Variants in HUWE1 observed in about 807,000 individuals in gnomAD.
The protein encoded by HUWE1 is HECT, UBA and WWE domain containing E3 ubiquitin protein ligase 1.
In HUWE1, 18 loss-of-function variants were observed where a neutral mutation model predicts 299.4. The ratio of observed to expected loss-of-function variants is 0.06; its 90% CI spans 0.04 to 0.09. The LOEUF (loss-of-function observed/expected upper bound fraction) is 0.09, where lower values mean the gene tolerates loss of function less well. HUWE1 is among the 10% of genes least tolerant of loss of function. The pLI is 1.00. For missense variants in HUWE1, 1,832 were observed against 3,462.3 expected, an observed-to-expected ratio of 0.53 and a Z score of 11.82; for synonymous variants, 1,317 against 1,286.1, an observed-to-expected ratio of 1.02 and a Z score of -0.51.
At chrX:53,642,012 C>CA (rs782780072) in intron 7 of HUWE1, among the ~76,000 whole-genome samples, 1 of 110,554 alleles carries the variant, frequency 9.0e-6, no homozygotes, top group Non-Finnish European at 1.9e-5. Context: ...ATAATACACC[C>CA]ACACACACAC....
intron 3 of HUWE1, among the ~76,000 whole-genome samples, chrX:53,666,268 C>T (rs1299880924): frequency 9.1e-6 from 1 of 110,257 alleles, no homozygotes; most frequent in Non-Finnish European, 1.9e-5. Context: ...GCAGCACAGG[C>T]CAGCCTTGAG....
chrX:53,631,352 C>T, intron 11 of HUWE1, 62 bp downstream of exon 11: 6 of 884,406 alleles, frequency 6.8e-6, no homozygotes, highest in Non-Finnish European at 1.0e-5. Flanking sequence ...CACCCCAGTA[C>T]ATATCATTAA....
chrX:53,614,501 T>C (rs781841215), intron 23 of HUWE1, 33 bp downstream of exon 23: 23 of 1,062,673 alleles, frequency 2.2e-5, no homozygotes, highest in East Asian at 6.0e-5. Flanking sequence ...CCCACGATTA[T>C]ATGGCTAGAT....
At chrX:53,683,462 C>T (rs2070294813) in intron 2 of HUWE1, among the ~76,000 whole-genome samples, 1 of 111,227 alleles carries the variant, frequency 9.0e-6, no homozygotes, top group Admixed American at 9.4e-5. Context: ...GGCCACTCTT[C>T]ATTGGTTGCT....
intron 43 of HUWE1, among the ~76,000 whole-genome samples, chrX:53,579,088 G>A (rs782100734): frequency 1.3e-5 from 1 of 74,441 alleles, no homozygotes; most frequent in African/African-American, 5.4e-5. Context: ...TCAGCCCTCC[G>A]CCCGGCCAGC....
intron 52 of HUWE1, 99 bp from the exon 53 acceptor site, chrX:53,563,028 CT>C (rs1176623984): frequency 1.5e-4 from 100 of 685,121 alleles, no homozygotes; most frequent in African/African-American, 1.9e-4. Context: ...CAGATATCCA[CT>C]TTTTTTTGGA....
intron 3 of HUWE1, among the ~76,000 whole-genome samples, chrX:53,665,751 T>C (rs1603266842): frequency 8.9e-6 from 1 of 112,567 alleles, no homozygotes; most frequent in East Asian, 2.8e-4. Flanking sequence ...CAGCAATGCC[T>C]AAGTGTAAGT....
intron 33 of HUWE1, 136 bp downstream of exon 33, chrX:53,592,262 G>C: frequency 1.9e-6 from 1 of 527,384 alleles, no homozygotes. Context: ...TAAATACTAA[G>C]AGAAGGAGGA....
At chrX:53,624,411 C>T (rs1200209199) in intron 19 of HUWE1, among the ~76,000 whole-genome samples, 184 bp downstream of exon 19, 1 of 112,162 alleles carries the variant, frequency 8.9e-6, no homozygotes, top group Non-Finnish European at 1.9e-5. Context: ...GCAGGAGACT[C>T]GCTTTAACCC....
chrX:53,682,720 G>A (rs1331538708), intron 2 of HUWE1, among the ~76,000 whole-genome samples: 1 of 111,213 alleles, frequency 9.0e-6, no homozygotes, highest in Non-Finnish European at 1.9e-5. Flanking sequence ...AGCAAAAATA[G>A]ATGTCCACAG....
intron 3 of HUWE1, among the ~76,000 whole-genome samples, chrX:53,672,175 T>C: frequency 9.1e-6 from 1 of 110,095 alleles, no homozygotes; most frequent in Non-Finnish European, 1.9e-5. Context: ...ACTGAGAAAA[T>C]GTGAATATGA....
intron 33 of HUWE1, among the ~76,000 whole-genome samples, chrX:53,591,836 G>GTA (rs1342183575): frequency 4.5e-5 from 5 of 111,621 alleles, no homozygotes; most frequent in Non-Finnish European, 9.4e-5. Context: ...CGGGACAAGT[G>GTA]TATATAGTAG....
chrX:53,643,199 C>T (rs2067723372), intron 7 of HUWE1, among the ~76,000 whole-genome samples: 1 of 111,513 alleles, frequency 9.0e-6, no homozygotes, highest in South Asian at 3.7e-4. Context: ...CAGGTTTATG[C>T]CATGGGGATT....
intron 3 of HUWE1, among the ~76,000 whole-genome samples, chrX:53,661,192 A>G (rs2040474366): frequency 9.2e-6 from 1 of 109,164 alleles, no homozygotes; most frequent in Non-Finnish European, 1.9e-5. Flanking sequence ...CCGCCACCAC[A>G]CCCAGCTAAT....
At chrX:53,650,821 C>G (rs1557039567) in intron 4 of HUWE1, among the ~76,000 whole-genome samples, 2 of 111,503 alleles carry the variant, frequency 1.8e-5, no homozygotes, top group African/African-American at 6.5e-5. Context: ...ATGTCCATAA[C>G]CAGTGACATA....
intron 47 of HUWE1, among the ~76,000 whole-genome samples, chrX:53,571,778 A>G (rs1442107471): frequency 8.9e-6 from 1 of 111,970 alleles, no homozygotes; most frequent in South Asian, 3.7e-4. Context: ...CTATAATGCA[A>G]TACCACTACA....
chrX:53,561,747 G>GT lies in HUWE1; in HGVS notation c.7507+8dup, dbSNP rs781871323. On this transcript the variant is annotated intron_variant, in intron 55 of 83. Transcript: ENST00000262854. ...GAGAGAAAAACCCAGCTGAGCCCCT[G>GT]TATCTTACTAGCACTGGAGAACATG... 4.1e-6 allele frequency: 5 copies of GT among 1,208,265 alleles called. No individual in the cohort carries two copies. The African/African-American group carries it at 7.0e-5, about 17-fold the overall frequency.
At chrX:53,616,102 G>C (rs1557007189) in intron 21 of HUWE1, among the ~76,000 whole-genome samples, 1 of 110,321 alleles carries the variant, frequency 9.1e-6, no homozygotes. Context: ...GTAGAGATGG[G>C]GTTTGGCCAT....
At chrX:53,616,002 T>C (rs1453649938) in intron 21 of HUWE1, among the ~76,000 whole-genome samples, 167 bp from the exon 22 acceptor site, 6 of 111,460 alleles carry the variant, frequency 5.4e-5, no homozygotes, top group Non-Finnish European at 1.1e-4. Context: ...TGTCACGATC[T>C]CCTGGACTCA....
Sources: allele counts gnomAD v4.1 joint callset (sites outside exome capture counted in the v4.1 genomes callset), GRCh38; gene constraint gnomAD v4.1.1; transcripts MANE v1.5; gene names NCBI Gene and HGNC (gene_info 2026-07-23, HGNC 2026-07-21).